The following AGBL1 variants were observed in gnomAD, a reference collection of about 807,000 sequenced individuals.
AGBL1 encodes AGBL carboxypeptidase 1.
In AGBL1, 130 loss-of-function variants were observed where a neutral mutation model predicts 118.9. The ratio of observed to expected loss-of-function variants is 1.09; its 90% CI spans 0.95 to 1.26. AGBL1 has a LOEUF of 1.26. Among genes scored for constraint, AGBL1 ranks in the 50% most tolerant of loss-of-function variants. AGBL1 has a pLI of 0.00. For synonymous variants in AGBL1, 555 were observed against 478.9 expected, an observed-to-expected ratio of 1.16 and a Z score of -2.08; for missense variants, 1,584 against 1,298.1, an observed-to-expected ratio of 1.22 and a Z score of -3.38.
In AGBL1 at chr15:86,509,141, C is replaced by T. The variant is rs113135280; in HGVS notation, c.2556-13669C>T. Among the ~76,000 whole-genome samples, 677 of 152,206 alleles carry T rather than the reference C, an allele frequency of 4.4e-3. 5 individuals are homozygous for T. Among genetic ancestry groups the T allele is most frequent in the African/African-American group, 0.015 (638 of 41,536 alleles). On this transcript the variant is annotated intron_variant, in intron 18 of 22. Coordinates refer to ENST00000614907, the MANE Select transcript of AGBL1 (RefSeq NM_001386094.1). ...TGCACACAGCCAGAATCCGGTGACA[C>T]GCACATACACTTTTCACCATTTTTG... is the stretch of plus-strand genomic sequence containing the variant.
chr15:86,578,564 G>A (rs781414624), intron 21 of AGBL1, among the ~76,000 whole-genome samples: 1 of 152,170 alleles, frequency 6.6e-6, no homozygotes, highest in South Asian at 2.1e-4. Flanking sequence ...GCCAAGTGTG[G>A]AATGATATGG....
downstream of AGBL1, among the ~76,000 whole-genome samples, chr15:87,031,386 G>A (rs2081781070): frequency 6.6e-6 from 1 of 151,890 alleles, no homozygotes; most frequent in East Asian, 1.9e-4. Flanking sequence ...GAATAAATAT[G>A]TGGCTCCCTT....
At chr15:86,537,941 A>G (rs1001077116) in intron 19 of AGBL1, among the ~76,000 whole-genome samples, 6 of 152,210 alleles carry the variant, frequency 3.9e-5, no homozygotes, top group Admixed American at 3.3e-4. Context: ...TAGATACAAA[A>G]CAAAGCCACA....
At chr15:86,677,947 C>T (rs2085878969) in intron 22 of AGBL1, among the ~76,000 whole-genome samples, 1 of 152,156 alleles carries the variant, frequency 6.6e-6, no homozygotes, top group African/African-American at 2.4e-5. Flanking sequence ...CTACTGTCAG[C>T]ATTATGGCGA....
chr15:86,676,147 C>A (rs923441522), intron 22 of AGBL1, among the ~76,000 whole-genome samples: 2 of 152,146 alleles, frequency 1.3e-5, no homozygotes, highest in African/African-American at 4.8e-5. Context: ...GTGCAGCTCC[C>A]AGTCTAGGAA....
At chr15:86,445,947 AAG>A (rs2142061770) in intron 18 of AGBL1, among the ~76,000 whole-genome samples, 1 of 152,326 alleles carries the variant, frequency 6.6e-6, no homozygotes, top group South Asian at 2.1e-4. Flanking sequence ...CAATATGTCA[AAG>A]AACATCTGTT....
intron 18 of AGBL1, among the ~76,000 whole-genome samples, chr15:86,452,220 C>G (rs929216048): frequency 5.3e-5 from 8 of 152,194 alleles, no homozygotes; most frequent in Non-Finnish European, 1.2e-4. Flanking sequence ...TGTTGAAAAA[C>G]TCACAGGTCT....
At chr15:86,310,351 T>G (rs536149428) in intron 17 of AGBL1, among the ~76,000 whole-genome samples, 1 of 152,332 alleles carries the variant, frequency 6.6e-6, no homozygotes, top group East Asian at 1.9e-4. Context: ...CAATTTTGTT[T>G]ATTTTTTTGA....
intron 22 of AGBL1, among the ~76,000 whole-genome samples, chr15:86,732,747 G>C (rs2077542561): frequency 6.6e-6 from 1 of 151,994 alleles, no homozygotes; most frequent in Non-Finnish European, 1.5e-5. Flanking sequence ...AGGTAAGCCA[G>C]GTATGTATCT....
chr15:86,970,095 A>G (rs951150233), intron 23 of AGBL1, among the ~76,000 whole-genome samples: 1 of 151,916 alleles, frequency 6.6e-6, no homozygotes, highest in Non-Finnish European at 1.5e-5. Context: ...AGTCTACCCA[A>G]TAACTCTAGT....
At chr15:86,974,714 A>T (rs1351955616) in intron 23 of AGBL1, among the ~76,000 whole-genome samples, 1 of 151,092 alleles carries the variant, frequency 6.6e-6, no homozygotes, top group Non-Finnish European at 1.5e-5. Context: ...AACAGAGAGG[A>T]CATGAGCAAT....
chr15:86,258,144 T>A, intron 9 of AGBL1, 113 bp downstream of exon 9: 1 of 1,017,390 alleles, frequency 9.8e-7, no homozygotes, highest in Non-Finnish European at 1.5e-6. Context: ...CTGACTTTAG[T>A]ACTGCCACTC....
intron 17 of AGBL1, among the ~76,000 whole-genome samples, chr15:86,319,259 C>G (rs2080066915): frequency 6.6e-6 from 1 of 152,144 alleles, no homozygotes; most frequent in Admixed American, 6.6e-5. Flanking sequence ...GCACTGGTTT[C>G]TGAAGTCATT....
intron 5 of AGBL1, among the ~76,000 whole-genome samples, chr15:86,177,144 G>A (rs2077492368): frequency 6.6e-6 from 1 of 152,168 alleles, no homozygotes; most frequent in African/African-American, 2.4e-5. Context: ...AGAAAGCTAG[G>A]AAGCTTTTTC....
At chr15:86,310,366 G>T (rs1468988946) in intron 17 of AGBL1, among the ~76,000 whole-genome samples, 3 of 151,856 alleles carry the variant, frequency 2.0e-5, no homozygotes, top group Non-Finnish European at 2.9e-5. Flanking sequence ...TTTTGAAAAA[G>T]CAACTCTTAA....
At chr15:86,436,352 G>T (rs2082000532) in intron 18 of AGBL1, among the ~76,000 whole-genome samples, 1 of 151,872 alleles carries the variant, frequency 6.6e-6, no homozygotes, top group Non-Finnish European at 1.5e-5. Flanking sequence ...AATAAATAAT[G>T]AAAGAGGTAA....
chr15:86,110,291 C>T (rs1428336720), intron 1 of AGBL1, among the ~76,000 whole-genome samples: 1 of 152,122 alleles, frequency 6.6e-6, no homozygotes, highest in Non-Finnish European at 1.5e-5. Context: ...TTCTAGTAGC[C>T]TATTGTTGAC....
chr15:86,534,355 T>C (rs1342696682), intron 19 of AGBL1, among the ~76,000 whole-genome samples: 1 of 152,172 alleles, frequency 6.6e-6, no homozygotes, highest in African/African-American at 2.4e-5. Context: ...AAGAAGAGTT[T>C]CCCTTGGATT....
At chr15:87,024,162 CAACAAAAATATAAAAGATAAATGA>C (rs1403250810) in intron 24 of AGBL1, among the ~76,000 whole-genome samples, 6 of 151,532 alleles carry the variant, frequency 4.0e-5, no homozygotes, top group African/African-American at 9.7e-5. Flanking sequence ...ACTGAAACAA[CAACAAAAATATAAAAGATAAATGA>C]AACAAAAATC....
Sources: allele counts gnomAD v4.1 joint callset (sites outside exome capture counted in the v4.1 genomes callset), GRCh38; gene constraint gnomAD v4.1.1; transcripts MANE v1.5; gene names NCBI Gene and HGNC (gene_info 2026-07-23, HGNC 2026-07-21).